The following PMEPA1 variants were observed in gnomAD, a reference collection of about 807,000 sequenced individuals.
The protein encoded by PMEPA1 is protein TMEPAI.
In PMEPA1, 11 loss-of-function variants were observed where a neutral mutation model predicts 23.0. The ratio of observed to expected loss-of-function variants is 0.48; its 90% confidence interval spans 0.30 to 0.79. The LOEUF is 0.79. Ranked by LOEUF, PMEPA1 falls within the 30% of genes least tolerant of loss-of-function variation. PMEPA1 has a pLI of 0.06. For missense variants in PMEPA1, 377 were observed against 390.9 expected, an observed-to-expected ratio of 0.96 and a Z score of 0.30; for synonymous variants, 204 against 166.4, an observed-to-expected ratio of 1.23 and a Z score of -1.74.
chr20:57,679,107 G>A (rs965571581), intron 1 of PMEPA1, among the ~76,000 whole-genome samples: 1 of 152,192 alleles, frequency 6.6e-6, no homozygotes, highest in Admixed American at 6.5e-5. Flanking sequence ...TTGTGATAAT[G>A]AGCACCTAGG....
At chr20:57,687,989 T>C (rs1343138716) in intron 1 of PMEPA1, among the ~76,000 whole-genome samples, 1 of 152,144 alleles carries the variant, frequency 6.6e-6, no homozygotes, top group Admixed American at 6.5e-5. Context: ...CTGGGTTCAG[T>C]GTCTTTCCCT....
intron 1 of PMEPA1, among the ~76,000 whole-genome samples, chr20:57,686,623 C>T (rs1013358101): frequency 6.6e-6 from 1 of 152,230 alleles, no homozygotes. Flanking sequence ...AACCCACTAA[C>T]CAGCCACTAA....
At position 57,649,481 on chromosome 20, in the gene PMEPA1, G is replaced by A. The variant is rs974613783; in HGVS notation, c.*2572C>T. 2.0e-5 allele frequency: 3 copies of A among 152,226 alleles called. No homozygotes were observed. Among genetic ancestry groups the A allele is most frequent in the African/African-American group, 7.2e-5 (3 of 41,438 alleles). 9.4% of individuals were successfully genotyped at this position (152,226 alleles called of 1,614,324 possible). On this transcript the variant is annotated 3_prime_UTR_variant, in exon 4 of 4. Coordinates refer to ENST00000341744, the MANE Select transcript of PMEPA1 (RefSeq NM_020182.5). ...CAGGCTCTGTCCTCAAGCCGGCTGAGGGCAGCAACCACTCTCCTCCCCTTT... is the reference window on the plus strand; with the variant it reads ...CAGGCTCTGTCCTCAAGCCGGCTGAAGGCAGCAACCACTCTCCTCCCCTTT...
chr20:57,699,979 TACTTGAAG>T, intron 1 of PMEPA1: 1 of 469,896 alleles, frequency 2.1e-6, no homozygotes, highest in Non-Finnish European at 4.4e-6. Flanking sequence ...ATATTGTATA[TACTTGAAG>T]ATACGTGGCT....
At position 57,651,851 on chromosome 20, in the gene PMEPA1, TTTC is replaced by T. The variant is rs1191837989; in HGVS notation, c.*199_*201del. Reference sequence around the variant, plus strand: ...AGAAACGTGGTTTTTTTTTTTCTTTTTTCTTTTTTTTTTTGCAAGCTCTCTTAG... The same window carrying T: ...AGAAACGTGGTTTTTTTTTTTCTTTTTTTTTTTTTTTGCAAGCTCTCTTAG... On this transcript the variant is annotated 3_prime_UTR_variant, in exon 4 of 4. Coordinates refer to ENST00000341744, the MANE Select transcript of PMEPA1 (RefSeq NM_020182.5). The T allele has an allele frequency of 2.1e-5, 8 of 383,380 alleles. No homozygotes were observed. The highest frequency in any genetic ancestry group is 3.6e-5 in the Non-Finnish European group (8 of 225,024). 23.7% of individuals were successfully genotyped at this position (383,380 alleles called of 1,614,324 possible).
At chr20:57,707,274 A>G (rs1406096783) in intron 1 of PMEPA1, among the ~76,000 whole-genome samples, 1 of 152,098 alleles carries the variant, frequency 6.6e-6, no homozygotes, top group South Asian at 2.1e-4. Context: ...GGTGTAAAGA[A>G]ACTCCAGGAG....
At chr20:57,687,063 C>T (rs899535212) in intron 1 of PMEPA1, among the ~76,000 whole-genome samples, 2 of 152,266 alleles carry the variant, frequency 1.3e-5, no homozygotes, top group South Asian at 2.1e-4. Context: ...TCCTAATCTT[C>T]GCTCCTCTTG....
chr20:57,653,169 G>A, intron 2 of PMEPA1, 83 bp from the exon 3 acceptor site: 1 of 1,150,092 alleles, frequency 8.7e-7, no homozygotes, highest in Non-Finnish European at 1.3e-6. Flanking sequence ...CGACTCTTAG[G>A]CCTTTACCCT....
chr20:57,689,761 T>C (rs1485048728), intron 1 of PMEPA1, among the ~76,000 whole-genome samples: 1 of 152,212 alleles, frequency 6.6e-6, no homozygotes, highest in Non-Finnish European at 1.5e-5. Flanking sequence ...TCCTGCCTCC[T>C]ACTCACCCTC....
In PMEPA1 at chr20:57,683,041, C is replaced by T. The variant is rs144007592; in HGVS notation, c.110-23344G>A. Among the ~76,000 whole-genome samples, 2,744 of 152,304 alleles carry T rather than the reference C, an allele frequency of 0.018. 42 individuals carry two copies. Among genetic ancestry groups the T allele is most frequent in the Non-Finnish European group, 0.028 (1,881 of 68,026 alleles). On this transcript the variant is annotated intron_variant, in intron 1 of 3. Transcript: ENST00000341744. This position sits in a 1 kb window ranked among gnomAD's most constrained non-coding sequence, Gnocchi z 4.3. ...CCAGGTTTGAGCTCTAAAAGCCAGA[C>T]CTTTTTCAATGTCATCTCTCACGCC... is the stretch of plus-strand genomic sequence containing the variant.
At position 57,652,732 on chromosome 20, in the gene PMEPA1, G is replaced by A; in HGVS notation, c.319-134C>T. 2 of 864,278 alleles carry A rather than the reference G, an allele frequency of 2.3e-6. No homozygotes were observed. Among genetic ancestry groups the A allele is most frequent in the East Asian group, 2.7e-5 (1 of 37,416 alleles). The allele number at this position is 864,278 out of a possible 1,614,324, so 53.5% of individuals were successfully genotyped here. ...AGGGAGAGGGCAGCAGGGCTGGCGGGGGCGGGAGCCCAGAGCCTGATCCCG... is the reference window on the plus strand; with the variant it reads ...AGGGAGAGGGCAGCAGGGCTGGCGGAGGCGGGAGCCCAGAGCCTGATCCCG... On this transcript the variant is annotated intron_variant, in intron 3 of 3. Coordinates refer to ENST00000341744, the MANE Select transcript of PMEPA1 (RefSeq NM_020182.5). This position sits in a 1 kb window ranked among gnomAD's most constrained non-coding sequence, Gnocchi z 6.1.
Position 57,709,530 on chromosome 20 carries a change from G to C in PMEPA1, c.53C>G (p.Pro18Arg), listed in dbSNP as rs756723710. ...NSTAAAAAGQ[P>R]NVSCTCNCKR... ...GCAGTTGCACGTGCAGGAGACATTGGGCTGCCCGGCGGCGGCGGCGGCGGT... is the reference window on the plus strand; with the variant it reads ...GCAGTTGCACGTGCAGGAGACATTGCGCTGCCCGGCGGCGGCGGCGGCGGT... Residue 18 changes from proline to arginine, a missense_variant, in exon 1 of 4, where the codon CCC (proline) becomes CGC (arginine). This residue lies in a region of PMEPA1 where 198 missense variants were observed against 196.3 expected (regional missense o/e 1.01). Transcript: ENST00000341744. 29 of 1,132,494 alleles carry C rather than the reference G, an allele frequency of 2.6e-5. No individual in the cohort carries two copies. Among genetic ancestry groups the C allele is most frequent in the Non-Finnish European group, 3.1e-5 (28 of 903,388 alleles). 70.2% of individuals were successfully genotyped at this position (1,132,494 alleles called of 1,614,324 possible).
In PMEPA1 at chr20:57,653,101, A is replaced by C; in HGVS notation, c.265-15T>G. 1.3e-6 allele frequency: 2 copies of C among 1,573,116 alleles called. No individual in the cohort carries two copies. Among genetic ancestry groups the C allele is most frequent in the Non-Finnish European group, 8.6e-7 (1 of 1,158,050 alleles). On this transcript the variant is annotated splice_polypyrimidine_tract_variant and intron_variant, in intron 2 of 3. Transcript: ENST00000341744. ...AGGCATCCTTCCTGCACAGGAAGAA[A>C]CGTACAAGCAGGGTCAGTGGGGTGG...
At chr20:57,691,132 C>T (rs1259241822) in intron 1 of PMEPA1, among the ~76,000 whole-genome samples, 3 of 152,172 alleles carry the variant, frequency 2.0e-5, no homozygotes, top group East Asian at 3.8e-4. Flanking sequence ...GTCTTTTTCA[C>T]GGTTGTGTGT....
chr20:57,691,421 AG>A (rs2071880414), intron 1 of PMEPA1, among the ~76,000 whole-genome samples: 1 of 152,104 alleles, frequency 6.6e-6, no homozygotes, highest in South Asian at 2.1e-4. Flanking sequence ...GGACCAGTCA[AG>A]GCCCCAGACT....
intron 1 of PMEPA1, among the ~76,000 whole-genome samples, chr20:57,674,034 T>C (rs2071603780): frequency 6.6e-6 from 1 of 152,160 alleles, no homozygotes; most frequent in Non-Finnish European, 1.5e-5. Context: ...GAGGTGGCCA[T>C]TCCCACCTCC....
intron 1 of PMEPA1, among the ~76,000 whole-genome samples, chr20:57,695,857 C>A (rs2071937277): frequency 6.6e-6 from 1 of 152,190 alleles, no homozygotes; most frequent in Non-Finnish European, 1.5e-5. Flanking sequence ...TGGCCCGGCC[C>A]CATCCCAGAG....
At position 57,649,119 on chromosome 20, in the gene PMEPA1, T is replaced by G. The variant is rs1004430406; in HGVS notation, c.*2934A>C. On this transcript the variant is annotated 3_prime_UTR_variant, in exon 4 of 4. Transcript: ENST00000341744. ...AGAGAAAGCCACGCTCGGCCTTCTC[T>G]GAACCAGGATGGAACGGCAGACCCC... The G allele has an allele frequency of 1.3e-5, 2 of 152,148 alleles. No homozygotes were observed. The highest frequency in any genetic ancestry group is 1.5e-5 in the Non-Finnish European group (1 of 68,036). The allele number at this position is 152,148 out of a possible 1,614,324, so 9.4% of individuals were successfully genotyped here.
At chr20:57,698,608 T>C (rs1035474283) in intron 1 of PMEPA1, among the ~76,000 whole-genome samples, 1 of 152,196 alleles carries the variant, frequency 6.6e-6, no homozygotes, top group Admixed American at 6.5e-5. Context: ...AACTAAATTG[T>C]TTTTAGGAAG....
Sources: allele counts gnomAD v4.1 joint callset (sites outside exome capture counted in the v4.1 genomes callset), GRCh38; gene constraint gnomAD v4.1.1; regional missense constraint gnomAD v4.1.1; non-coding constraint Gnocchi (gnomAD v3.1); transcripts MANE v1.5; gene names NCBI Gene and HGNC (gene_info 2026-07-23, HGNC 2026-07-21).